The following SUPT3H variants were observed in gnomAD, a reference collection of about 807,000 sequenced individuals.
SUPT3H encodes SPT3 homolog, SAGA and STAGA complex component, also known as transcription initiation protein SPT3 homolog.
SUPT3H carries 44 observed loss-of-function variants against 44.3 expected under a neutral mutation model. The ratio of observed to expected loss-of-function variants is 0.99; its 90% CI spans 0.78 to 1.28. The LOEUF (loss-of-function observed/expected upper bound fraction) is 1.28. Among genes scored for constraint, SUPT3H ranks in the 50% most tolerant of loss-of-function variants. The pLI is 0.00. For missense variants in SUPT3H, 380 were observed against 387.1 expected (o/e 0.98, Z 0.15); for synonymous variants, 124 against 125.6 (o/e 0.99, Z 0.09).
At chr6:45,328,398 T>C (rs767115139) in intron 2 of SUPT3H, 1 of 1,410,096 alleles carries the variant, frequency 7.1e-7, no homozygotes, top group South Asian at 1.1e-5. Flanking sequence ...CAGCAAGAAG[T>C]CTCTGGTTTT....
At chr6:45,166,907 TCTCATGCATTGCTTGCAGGGAAGTAAA>T (rs1386417671) in intron 2 of SUPT3H, among the ~76,000 whole-genome samples, 1 of 152,144 alleles carries the variant, frequency 6.6e-6, no homozygotes, top group Non-Finnish European at 1.5e-5. Context: ...TAACTAGAAC[TCTCATGCATTGCTTGCAGGGAAGTAAA>T]GTTGTACCCC....
chr6:44,995,425 G>C (rs1781143898), intron 6 of SUPT3H, among the ~76,000 whole-genome samples: 1 of 151,928 alleles, frequency 6.6e-6, no homozygotes, highest in Non-Finnish European at 1.5e-5. Context: ...CAATTAAAAG[G>C]AAAAACATGC....
intron 6 of SUPT3H, among the ~76,000 whole-genome samples, chr6:44,986,759 C>T (rs1779851537): frequency 6.6e-6 from 1 of 151,914 alleles, no homozygotes; most frequent in Non-Finnish European, 1.5e-5. Flanking sequence ...ACACTCTGTT[C>T]AGGGTACCGG....
At chr6:45,014,662 T>C in intron 5 of SUPT3H, 139 bp downstream of exon 5, 1 of 475,324 alleles carries the variant, frequency 2.1e-6, no homozygotes. Flanking sequence ...TATATACTTT[T>C]GCAAGGGTAT....
At chr6:45,011,884 G>C (rs1371130985) in intron 5 of SUPT3H, among the ~76,000 whole-genome samples, 2 of 151,404 alleles carry the variant, frequency 1.3e-5, no homozygotes, top group Non-Finnish European at 2.9e-5. Context: ...AATTCTCCTG[G>C]TTTTTGTTTA....
At chr6:45,234,466 G>C (rs981666662) in intron 2 of SUPT3H, among the ~76,000 whole-genome samples, 8 of 150,310 alleles carry the variant, frequency 5.3e-5, no homozygotes, top group African/African-American at 1.7e-4. Context: ...AGGAGGCAGA[G>C]GTTGCAGTGA....
intron 2 of SUPT3H, among the ~76,000 whole-genome samples, chr6:45,240,123 A>G (rs889320331): frequency 5.9e-5 from 9 of 152,162 alleles, no homozygotes; most frequent in Non-Finnish European, 1.3e-4. Context: ...GCCAATTTGG[A>G]TACCATCAAG....
intron 1 of SUPT3H, among the ~76,000 whole-genome samples, chr6:45,374,539 TTAA>T (rs1370991300): frequency 1.3e-5 from 2 of 152,244 alleles, no homozygotes; most frequent in African/African-American, 4.8e-5. Context: ...CAGTATAAAC[TTAA>T]TATAATAATG....
intron 3 of SUPT3H, among the ~76,000 whole-genome samples, chr6:45,088,086 A>C (rs1285348338): frequency 1.3e-5 from 2 of 152,060 alleles, no homozygotes; most frequent in South Asian, 2.1e-4. Flanking sequence ...TCCAGGATTG[A>C]AATGAATTAA....
intron 2 of SUPT3H, among the ~76,000 whole-genome samples, chr6:45,330,635 G>C: frequency 6.6e-6 from 1 of 151,850 alleles, no homozygotes; most frequent in East Asian, 1.9e-4. Flanking sequence ...TCATAACAGG[G>C]ATCTTATACT....
chr6:45,135,149 A>G (rs1207071062), intron 2 of SUPT3H, among the ~76,000 whole-genome samples: 1 of 152,224 alleles, frequency 6.6e-6, no homozygotes. Context: ...CCAAGGCAGC[A>G]CAGGGCAGTG....
At chr6:45,160,786 A>G (rs1043086450) in intron 2 of SUPT3H, among the ~76,000 whole-genome samples, 4 of 152,138 alleles carry the variant, frequency 2.6e-5, no homozygotes, top group African/African-American at 9.7e-5. Flanking sequence ...GGATACCCAA[A>G]GTTTCCATTC....
At chr6:45,207,487 A>G (rs1397520599) in intron 2 of SUPT3H, among the ~76,000 whole-genome samples, 2 of 152,222 alleles carry the variant, frequency 1.3e-5, no homozygotes, top group Non-Finnish European at 2.9e-5. Flanking sequence ...TGGGATGGTA[A>G]ATAGAGACTA....
intron 2 of SUPT3H, among the ~76,000 whole-genome samples, chr6:45,342,385 C>T (rs1253475967): frequency 1.3e-5 from 2 of 152,076 alleles, no homozygotes; most frequent in Admixed American, 1.3e-4. Flanking sequence ...CCTCAGCCTC[C>T]CGAGTAGCTA....
chr6:45,284,342 C>T (rs1242341360), intron 2 of SUPT3H, among the ~76,000 whole-genome samples: 1 of 151,944 alleles, frequency 6.6e-6, no homozygotes, highest in Admixed American at 6.6e-5. Context: ...AATTGACAGA[C>T]CGCTACCAAG....
chr6:45,321,615 G>A (rs1216039017), intron 2 of SUPT3H, among the ~76,000 whole-genome samples: 3 of 152,030 alleles, frequency 2.0e-5, no homozygotes, highest in Non-Finnish European at 4.4e-5. Context: ...TATCCTAAAA[G>A]TGAACTATGC....
chr6:44,840,736 G>GTGGTTTCCTTTT (rs903716751), intron 10 of SUPT3H, among the ~76,000 whole-genome samples: 1 of 152,172 alleles, frequency 6.6e-6, no homozygotes, highest in African/African-American at 2.4e-5. Flanking sequence ...ATTTCCTATA[G>GTGGTTTCCTTTT]TGGTTTCCTT....
At chr6:45,005,984 T>G (rs1453628542) in intron 5 of SUPT3H, among the ~76,000 whole-genome samples, 1 of 152,144 alleles carries the variant, frequency 6.6e-6, no homozygotes, top group Non-Finnish European at 1.5e-5. Context: ...TTAGTGCTTA[T>G]GGGTCTATTA....
chr6:45,017,795 GTTCT>G (rs1453413484), intron 4 of SUPT3H, among the ~76,000 whole-genome samples: 2 of 142,734 alleles, frequency 1.4e-5, no homozygotes, highest in Admixed American at 1.4e-4. Context: ...CTCCAGCTTT[GTTCT>G]TTTGGCTTAG....
Sources: allele counts gnomAD v4.1 joint callset (sites outside exome capture counted in the v4.1 genomes callset), GRCh38; gene constraint gnomAD v4.1.1; transcripts MANE v1.5; gene names NCBI Gene and HGNC (gene_info 2026-07-23, HGNC 2026-07-21).